Variants in RASA1 observed in about 807,000 individuals in gnomAD.
RASA1 encodes RAS p21 protein activator 1, also known as ras GTPase-activating protein 1.
In RASA1, 25 loss-of-function variants were observed where a neutral mutation model predicts 132.2. That is an observed-to-expected ratio of 0.19 (90% CI 0.14 to 0.26). The LOEUF is 0.26. RASA1 is among the 10% of genes least tolerant of loss of function. The probability of loss-of-function intolerance (pLI) is 1.00; values close to 1 mark genes in which losing one functional copy is unlikely to be tolerated. For synonymous variants in RASA1, 477 were observed against 449.9 expected, an observed-to-expected ratio of 1.06 and a Z score of -0.76; for missense variants, 964 against 1,299.2, an observed-to-expected ratio of 0.74 and a Z score of 3.97.
chr5:87,296,465 A>C (rs1156468603), intron 1 of RASA1, among the ~76,000 whole-genome samples: 1 of 152,262 alleles, frequency 6.6e-6, no homozygotes, highest in East Asian at 1.9e-4. Flanking sequence ...TCTTTCATGA[A>C]ATTATTTTAA....
intron 4 of RASA1, among the ~76,000 whole-genome samples, chr5:87,334,612 CAATG>C (rs1757833680): frequency 6.6e-6 from 1 of 152,164 alleles, no homozygotes; most frequent in Admixed American, 6.5e-5. Flanking sequence ...GGTACAAAAG[CAATG>C]GATGGTAAAA....
At chr5:87,362,934 G>A (rs1760227355) in intron 10 of RASA1, among the ~76,000 whole-genome samples, 1 of 149,364 alleles carries the variant, frequency 6.7e-6, no homozygotes, top group African/African-American at 2.5e-5. Flanking sequence ...ACTCCTTATG[G>A]CACATGGCAC....
chr5:87,268,028 G>C lies in RASA1; in HGVS notation c.-424G>C, dbSNP rs1418112759. On this transcript the variant is annotated 5_prime_UTR_variant, in exon 1 of 25. Transcript: ENST00000274376. Reference sequence around the variant, plus strand: ...CCCAGCCTCAGCAGCGGCACCGGCGGTGGCTGCGGTGTGGGTGGCCGGAAC... The same window carrying C: ...CCCAGCCTCAGCAGCGGCACCGGCGCTGGCTGCGGTGTGGGTGGCCGGAAC... 2.0e-5 allele frequency: 8 copies of C among 406,754 alleles called. No individual in the cohort carries two copies. The East Asian group carries it at 2.5e-4, about 13-fold the overall frequency. 25.2% of individuals were successfully genotyped at this position (406,754 alleles called of 1,614,324 possible). A position where few individuals can be genotyped will look rare whatever the true frequency, so the allele number is the denominator to read the frequency against.
At chr5:87,356,488 C>T (rs754717186) in intron 9 of RASA1, among the ~76,000 whole-genome samples, 5 of 151,728 alleles carry the variant, frequency 3.3e-5, no homozygotes, top group Non-Finnish European at 4.4e-5. Flanking sequence ...CTCCTGGGCT[C>T]AAGCAATCCT....
At chr5:87,363,304 C>T in intron 10 of RASA1, 44 bp from the exon 11 acceptor site, 1 of 1,489,528 alleles carries the variant, frequency 6.7e-7, no homozygotes, top group Non-Finnish European at 9.3e-7. Context: ...TGTAGGATTT[C>T]ACAATTGTTT....
intron 1 of RASA1, among the ~76,000 whole-genome samples, chr5:87,320,117 A>G (rs1756675417): frequency 1.3e-5 from 2 of 152,164 alleles, no homozygotes; most frequent in African/African-American, 4.8e-5. Context: ...CTGGTTCCCA[A>G]TAAGTTCCTC....
At chr5:87,371,172 T>C (rs1760913150) in intron 12 of RASA1, among the ~76,000 whole-genome samples, 1 of 152,168 alleles carries the variant, frequency 6.6e-6, no homozygotes, top group African/African-American at 2.4e-5. Flanking sequence ...AAGCCTAACA[T>C]AGAACATTTT....
chr5:87,302,904 G>A (rs1391303068), intron 1 of RASA1, among the ~76,000 whole-genome samples: 2 of 152,034 alleles, frequency 1.3e-5, no homozygotes, highest in African/African-American at 4.8e-5. Flanking sequence ...CATGCTCGAA[G>A]GAGATGAACG....
At chr5:87,387,808 G>A (rs79762165) in intron 23 of RASA1, among the ~76,000 whole-genome samples, 1 of 152,046 alleles carries the variant, frequency 6.6e-6, no homozygotes, top group Non-Finnish European at 1.5e-5. Context: ...ATAGTGAAAT[G>A]GACAAAAATG....
At chr5:87,287,823 A>T in intron 1 of RASA1, among the ~76,000 whole-genome samples, 1 of 124,512 alleles carries the variant, frequency 8.0e-6, no homozygotes, top group Non-Finnish European at 1.7e-5. Flanking sequence ...TACCATATAT[A>T]CACACACCAT....
At position 87,389,422 on chromosome 5, in the gene RASA1, G is replaced by C; in HGVS notation, c.2955G>C (p.Glu985Asp). The C allele has an allele frequency of 1.9e-6, 3 of 1,614,142 alleles. No homozygotes were observed. The highest frequency in any genetic ancestry group is 2.5e-6 in the Non-Finnish European group (3 of 1,179,964). The change falls in exon 24 of 25, where the codon GAG (glutamate) becomes GAC (aspartate). Residue 985 changes from glutamate (E) to aspartate (D), a missense_variant. Physicochemically the swap from Glu to Asp is conservative, Grantham distance 45 (BLOSUM62 2). Around this residue, in one of 6 missense-constraint regions of RASA1, gnomAD observed 107 missense variants for 163.8 expected, o/e 0.65. Coordinates refer to ENST00000274376, the MANE Select transcript of RASA1 (RefSeq NM_002890.3). Reference protein sequence around the residue: ...GNVPELPDTTEHSRTDLSRDL... With the variant: ...GNVPELPDTTDHSRTDLSRDL... ...TACCTGAACTTCCGGACACTACAGA[G>C]CATTCTAGAACGGACCTGTCCCGTG...
intron 4 of RASA1, among the ~76,000 whole-genome samples, chr5:87,336,538 G>A (rs572300990): frequency 6.6e-6 from 1 of 151,812 alleles, no homozygotes; most frequent in Non-Finnish European, 1.5e-5. Context: ...GTTTTAGGGG[G>A]GATAACACAA....
chr5:87,320,885 G>A (rs1024738133), intron 1 of RASA1, among the ~76,000 whole-genome samples: 34 of 152,256 alleles, frequency 2.2e-4, no homozygotes, highest in Admixed American at 1.9e-3. Context: ...AGTATTTGTA[G>A]AGTTACACAT....
intron 1 of RASA1, 73 bp downstream of exon 1, chr5:87,269,063 A>G (rs1297178372): frequency 1.9e-6 from 3 of 1,614,110 alleles, no homozygotes; most frequent in Non-Finnish European, 2.5e-6. Context: ...GGGGTAAATC[A>G]TACTTTGTCC....
In RASA1 at chr5:87,376,903, A is replaced by T; in HGVS notation, c.2207A>T (p.His736Leu). Residue 736 changes from histidine (H) to leucine (L), a missense_variant, in exon 17 of 25, where the codon CAT becomes CTT. Around this residue, in one of 6 missense-constraint regions of RASA1, gnomAD observed 346 missense variants for 520.1 expected, o/e 0.67. Transcript: ENST00000274376. ...FKELILQKEL[H>L]VVYALSHVCG... ...TAGCTTATACTGCAAAAGGAACTTC[A>T]TGTAGTCTATGCTTTATCACATGTA... 1.2e-6 allele frequency: 2 copies of T among 1,608,788 alleles called. No individual in the cohort carries two copies. The highest frequency in any genetic ancestry group is 2.2e-5 in the South Asian group (2 of 90,966).
At chr5:87,305,587 T>G (rs1163089156) in intron 1 of RASA1, among the ~76,000 whole-genome samples, 1 of 152,168 alleles carries the variant, frequency 6.6e-6, no homozygotes, top group African/African-American at 2.4e-5. Flanking sequence ...CAAAGTTTCA[T>G]GAGGAAGATG....
chr5:87,379,712 T>C, intron 18 of RASA1, 23 bp from the exon 19 acceptor site: 1 of 1,609,622 alleles, frequency 6.2e-7, no homozygotes. Flanking sequence ...CATGCATTTA[T>C]ATTGATTTAT....
At chr5:87,315,093 A>G (rs887865632) in intron 1 of RASA1, among the ~76,000 whole-genome samples, 9 of 152,236 alleles carry the variant, frequency 5.9e-5, no homozygotes, top group Non-Finnish European at 1.0e-4. Flanking sequence ...TCTGATTGTC[A>G]TATTCACTAT....
intron 1 of RASA1, among the ~76,000 whole-genome samples, chr5:87,309,177 A>G (rs1042789336): frequency 3.3e-5 from 5 of 152,128 alleles, no homozygotes; most frequent in African/African-American, 1.2e-4. Flanking sequence ...GTCTTATCCC[A>G]GGCACTATTT....
Sources: gnomAD v4.1 joint callset for allele counts (sites outside exome capture counted in the v4.1 genomes callset) on GRCh38, gnomAD v4.1.1 for gene constraint, gnomAD v4.1.1 regional missense constraint, MANE v1.5 for transcripts, NCBI Gene and HGNC (gene_info 2026-07-23, HGNC 2026-07-21) for gene names.